Variants in SYNE1 observed in about 807,000 individuals in gnomAD.
The protein encoded by SYNE1 is nesprin-1.
Under a neutral mutation model 1,111.0 loss-of-function variants are expected in SYNE1, and 616 were observed. The observed-to-expected ratio is 0.55, with a 90% CI of 0.52 to 0.59. The LOEUF is 0.59. Among genes scored for constraint, SYNE1 ranks in the 20% least tolerant of loss-of-function variants. SYNE1 has a pLI of 0.00. For missense variants in SYNE1, 10,006 were observed against 10,417.0 expected (o/e 0.96, Z 1.72); for synonymous variants, 3,855 against 3,825.8 (o/e 1.01, Z -0.28).
In SYNE1 at chr6:152,132,187, C is replaced by A; in HGVS notation, c.26029G>T (p.Glu8677Ter). 1 of 1,614,150 alleles carries A rather than the reference C, an allele frequency of 6.2e-7. No homozygotes were observed. Among genetic ancestry groups the A allele is most frequent in the Non-Finnish European group, 8.5e-7 (1 of 1,180,004 alleles). The change falls in exon 144 of 146, where the codon GAA (glutamate) becomes TAA (stop). Residue 8677 changes from glutamate (E) to a stop codon, truncating the protein, a stop_gained. Transcript: ENST00000367255. LOFTEE classifies it high-confidence loss of function. ...CTCACAGACCCTGAGGTGTCCAGTT[C>A]ATCAGCAGAAGACCAGGAAGACAAA... Reference protein sequence around the residue: ...QDLSSWSSADELDTSGSVSPT... With the variant: ...QDLSSWSSAD
At chr6:152,435,771 G>T in intron 33 of SYNE1, 170 bp downstream of exon 33, 2 of 793,200 alleles carry the variant, frequency 2.5e-6, no homozygotes, top group Non-Finnish European at 4.0e-6. Context: ...ATAGATATTG[G>T]TTTCTGTATT....
intron 3 of SYNE1, among the ~76,000 whole-genome samples, chr6:152,561,873 C>T (rs1215703483): frequency 6.6e-6 from 1 of 152,170 alleles, no homozygotes; most frequent in Non-Finnish European, 1.5e-5. Context: ...ATAAGTGAAA[C>T]TGGATCCTTA....
At position 152,433,960 on chromosome 6, in the gene SYNE1, A is replaced by G. The variant is rs2098451488; in HGVS notation, c.4311-15T>C. ...TGGTTTTAATACTAAAATTAACCAA[A>G]TTAAGTAAATAAAACTCAGTATTTT... On this transcript the variant is annotated splice_polypyrimidine_tract_variant and intron_variant, in intron 33 of 145. Transcript: ENST00000367255. 1 of 1,601,764 alleles carries G rather than the reference A, an allele frequency of 6.2e-7. No individual in the cohort carries two copies. Among genetic ancestry groups the G allele is most frequent in the African/African-American group, 1.3e-5 (1 of 74,440 alleles).
At chr6:152,456,437 GT>G (rs2098696621) in intron 22 of SYNE1, among the ~76,000 whole-genome samples, 1 of 151,952 alleles carries the variant, frequency 6.6e-6, no homozygotes, top group Non-Finnish European at 1.5e-5. Flanking sequence ...AGGTTTTAAT[GT>G]GACTAAACAA....
At chr6:152,518,479 T>C (rs1170649088) in intron 6 of SYNE1, among the ~76,000 whole-genome samples, 1 of 151,968 alleles carries the variant, frequency 6.6e-6, no homozygotes, top group East Asian at 1.9e-4. Flanking sequence ...GTGACGTCCC[T>C]GCTCCCCTTC....
chr6:152,527,419 A>G (rs1427356445), intron 4 of SYNE1, among the ~76,000 whole-genome samples: 3 of 152,214 alleles, frequency 2.0e-5, no homozygotes, highest in Non-Finnish European at 4.4e-5. Flanking sequence ...ATTCTCTTTC[A>G]AATTCCACCA....
At chr6:152,553,966 A>C (rs533917431) in intron 3 of SYNE1, among the ~76,000 whole-genome samples, 2 of 152,250 alleles carry the variant, frequency 1.3e-5, no homozygotes, top group Admixed American at 1.3e-4. Flanking sequence ...GGGACTTTGC[A>C]TCCAGGTATT....
At chr6:152,161,553 T>TTGTTC (rs1371498042) in intron 131 of SYNE1, among the ~76,000 whole-genome samples, 2 of 152,186 alleles carry the variant, frequency 1.3e-5, no homozygotes, top group East Asian at 3.9e-4. Flanking sequence ...GTGAGTTTGT[T>TTGTTC]TGTTTTGTTT....
At position 152,255,742 on chromosome 6, in the gene SYNE1, C is replaced by T. The variant is rs768969284; in HGVS notation, c.19109G>A (p.Gly6370Glu). 10 of 1,614,082 alleles carry T rather than the reference C, an allele frequency of 6.2e-6. No homozygotes were observed. The change falls in exon 103 of 146, where the codon GGA (glycine) becomes GAA (glutamate). Residue 6370 changes from glycine (G) to glutamate (E), a missense_variant. This residue lies in a region of SYNE1 where 2,182 missense variants were observed against 2,287.8 expected (regional missense o/e 0.95). Transcript: ENST00000367255. ...GTGTATACTCTGCCTCTTTGCCCCT[C>T]CACTCTGGGAAACACAAAACAGGGT... is the stretch of plus-strand genomic sequence containing the variant. ...QAFEEVSSQS[G>E]GAKRQSIHLE...
intron 127 of SYNE1, among the ~76,000 whole-genome samples, chr6:152,198,115 T>A (rs750400694): frequency 6.6e-6 from 1 of 152,018 alleles, no homozygotes; most frequent in Non-Finnish European, 1.5e-5. Flanking sequence ...GGTAACCACT[T>A]CCATCAATGA....
At chr6:152,315,334 T>G (rs2095686308) in intron 87 of SYNE1, 1 of 151,900 alleles carries the variant, frequency 6.6e-6, no homozygotes, top group Non-Finnish European at 1.5e-5. Context: ...CCTGAGTAGC[T>G]GGGACTACAG....
chr6:152,140,183 A>T, intron 139 of SYNE1, 22 bp from the exon 140 acceptor site: 2 of 1,612,922 alleles, frequency 1.2e-6, no homozygotes, highest in South Asian at 1.1e-5. Flanking sequence ...TGCATAGAAC[A>T]GTGAGGTTAT....
At chr6:152,528,382 T>A (rs996773224) in intron 4 of SYNE1, among the ~76,000 whole-genome samples, 1 of 152,056 alleles carries the variant, frequency 6.6e-6, no homozygotes, top group Non-Finnish European at 1.5e-5. Context: ...ATAAAAAAAA[T>A]TAGTAATTAC....
At chr6:152,308,165 C>T (rs980446509) in intron 91 of SYNE1, among the ~76,000 whole-genome samples, 2 of 151,894 alleles carry the variant, frequency 1.3e-5, no homozygotes, top group Admixed American at 6.6e-5. Context: ...TGCTGTTTCT[C>T]GTAGGCATTA....
At chr6:152,302,485 A>G (rs2095230359) in intron 91 of SYNE1, among the ~76,000 whole-genome samples, 1 of 152,230 alleles carries the variant, frequency 6.6e-6, no homozygotes, top group Non-Finnish European at 1.5e-5. Flanking sequence ...ACACCAAAAA[A>G]AATGCAAGGC....
At position 152,234,849 on chromosome 6, in the gene SYNE1, T is replaced by G. The variant is rs1317325756; in HGVS notation, c.20397-49A>C. ...ATTAAGTAAACATTTCATCCCTATCTTCTACTCACCTACGTTACTCACCAA... is the reference window on the plus strand; with the variant it reads ...ATTAAGTAAACATTTCATCCCTATCGTCTACTCACCTACGTTACTCACCAA... On this transcript the variant is annotated intron_variant, in intron 110 of 145. Coordinates refer to ENST00000367255, the MANE Select transcript of SYNE1 (RefSeq NM_182961.4). The G allele has an allele frequency of 4.4e-6, 7 of 1,603,158 alleles. No individual in the cohort carries two copies. The Admixed American group carries it at 6.7e-5, about 15-fold the overall frequency.
chr6:152,235,386 A>C (rs879545507), intron 110 of SYNE1, among the ~76,000 whole-genome samples: 1 of 152,140 alleles, frequency 6.6e-6, no homozygotes, highest in Admixed American at 6.5e-5. Flanking sequence ...TTTGAGATGG[A>C]GTTTCGCTCT....
At chr6:152,585,350 A>G (rs35551243) in intron 3 of SYNE1, among the ~76,000 whole-genome samples, 2,959 of 152,350 alleles carry the variant, frequency 0.019, 97 homozygotes, top group African/African-American at 0.067. Flanking sequence ...AAATGTTGCA[A>G]TTAACAACTT....
In SYNE1 at chr6:152,321,846, G is replaced by A; in HGVS notation, c.15958C>T (p.Gln5320Ter). Residue 5320 changes from glutamine to a stop codon, truncating the protein, a stop_gained, in exon 83 of 146, where the codon CAA becomes TAA. Transcript: ENST00000367255. LOFTEE classifies it high-confidence loss of function. ...KVKTNGKLVK[Q>*]ELKDREMVET... is the part of the protein sequence containing the mutation. ...ACCATTTCTCGGTCCTTCAGCTCTT[G>A]CTTCACCAACTTTCCATTAGTCTTC... 1 of 1,613,944 alleles carries A rather than the reference G, an allele frequency of 6.2e-7. No individual in the cohort carries two copies. Among genetic ancestry groups the A allele is most frequent in the Non-Finnish European group, 8.5e-7 (1 of 1,179,960 alleles).
Sources: allele counts gnomAD v4.1 joint callset (sites outside exome capture counted in the v4.1 genomes callset), GRCh38; gene constraint gnomAD v4.1.1; regional missense constraint gnomAD v4.1.1; transcripts MANE v1.5; gene names NCBI Gene and HGNC (gene_info 2026-07-23, HGNC 2026-07-21).